The following ELP3 variants were observed in gnomAD, a reference collection of about 807,000 sequenced individuals.
ELP3 encodes elongator acetyltransferase complex subunit 3.
A neutral mutation model predicts 74.9 loss-of-function variants in ELP3; 56 were observed. The ratio of observed to expected loss-of-function variants is 0.75; its 90% CI spans 0.60 to 0.93. The LOEUF (loss-of-function observed/expected upper bound fraction) is 0.93. Among genes scored for constraint, ELP3 ranks in the 40% least tolerant of loss-of-function variants. The pLI, the probability that ELP3 is intolerant of heterozygous loss-of-function variation, is 0.00. For missense variants in ELP3, 573 were observed against 686.5 expected (o/e 0.83, Z 1.85); for synonymous variants, 222 against 239.8 (o/e 0.93, Z 0.68).
intron 14 of ELP3, among the ~76,000 whole-genome samples, chr8:28,174,640 GC>G (rs1814669270): frequency 6.6e-6 from 1 of 151,998 alleles, no homozygotes; most frequent in Non-Finnish European, 1.5e-5. Context: ...TAATGAATTT[GC>G]CTTTTAAATA....
Position 28,132,382 on chromosome 8 carries a change from A to G in ELP3, c.884A>G (p.Glu295Gly). The change falls in exon 9 of 15, where the codon GAA becomes GGA. Residue 295 changes from glutamate (E) to glycine (G), a missense_variant. Transcript: ENST00000256398. Reference sequence around the variant, plus strand: ...CCTGACCTGCCAAACGTGGGACTAGAAAGAGACATTGAACAGTTCACAGTA... The same window carrying G: ...CCTGACCTGCCAAACGTGGGACTAGGAAGAGACATTGAACAGTTCACAGTA... ...MMPDLPNVGL[E>G]RDIEQFTEFF... The G allele has an allele frequency of 6.2e-7, 1 of 1,614,124 alleles. No individual in the cohort carries two copies. Among genetic ancestry groups the G allele is most frequent in the South Asian group, 1.1e-5 (1 of 91,084 alleles).
intron 14 of ELP3, among the ~76,000 whole-genome samples, chr8:28,165,747 T>A (rs566774580): frequency 6.6e-6 from 1 of 152,356 alleles, no homozygotes; most frequent in South Asian, 2.1e-4. Flanking sequence ...CTAGACAATA[T>A]TATGAACTAC....
At chr8:28,097,555 C>G (rs1417664153) in intron 2 of ELP3, among the ~76,000 whole-genome samples, 2 of 151,972 alleles carry the variant, frequency 1.3e-5, no homozygotes, top group African/African-American at 4.8e-5. Flanking sequence ...CGCCACCACG[C>G]CTGGCTAATT....
chr8:28,117,563 A>G (rs527750575), intron 7 of ELP3, among the ~76,000 whole-genome samples: 3 of 152,316 alleles, frequency 2.0e-5, no homozygotes, highest in South Asian at 2.1e-4. Flanking sequence ...AAATTTATAT[A>G]TGATTTGGGT....
At chr8:28,175,810 CTTT>C (rs56901616) in intron 14 of ELP3, among the ~76,000 whole-genome samples, 1 of 78,248 alleles carries the variant, frequency 1.3e-5, no homozygotes, top group East Asian at 3.9e-4. Flanking sequence ...TGTCTAGTGA[CTTT>C]TTTTTTTTTT....
intron 6 of ELP3, among the ~76,000 whole-genome samples, chr8:28,111,071 C>A (rs1354432169): frequency 6.6e-6 from 1 of 152,030 alleles, no homozygotes; most frequent in Non-Finnish European, 1.5e-5. Context: ...ACAGCAAGAA[C>A]CTGTCTCAAA....
chr8:28,152,926 A>G (rs914806725), intron 10 of ELP3, among the ~76,000 whole-genome samples: 1 of 152,218 alleles, frequency 6.6e-6, no homozygotes, highest in African/African-American at 2.4e-5. Context: ...TAAATTTCGT[A>G]TATGGTATGA....
chr8:28,139,838 A>C (rs1442438826), intron 10 of ELP3, among the ~76,000 whole-genome samples: 1 of 152,148 alleles, frequency 6.6e-6, no homozygotes, highest in Non-Finnish European at 1.5e-5. Context: ...CCAGCTACTC[A>C]GGAGGCTGAG....
intron 10 of ELP3, among the ~76,000 whole-genome samples, chr8:28,154,041 C>A (rs1226901946): frequency 6.6e-6 from 1 of 152,174 alleles, no homozygotes; most frequent in Non-Finnish European, 1.5e-5. Flanking sequence ...GATGCTATCT[C>A]ATGTTCCTAA....
intron 14 of ELP3, among the ~76,000 whole-genome samples, chr8:28,169,042 C>G (rs776292396): frequency 1.3e-5 from 2 of 152,112 alleles, no homozygotes; most frequent in Non-Finnish European, 2.9e-5. Flanking sequence ...TGTCTCTGAC[C>G]AACAACTCAC....
At chr8:28,106,671 A>G in intron 3 of ELP3, 42 bp from the exon 4 acceptor site, 1 of 1,554,428 alleles carries the variant, frequency 6.4e-7, no homozygotes, top group Non-Finnish European at 8.9e-7. Flanking sequence ...GTTTTATATT[A>G]ATTATCCTAT....
chr8:28,132,460 A>G, intron 9 of ELP3, 56 bp downstream of exon 9: 1 of 1,609,140 alleles, frequency 6.2e-7, no homozygotes, highest in Non-Finnish European at 8.5e-7. Context: ...TTCTTATCCC[A>G]TCTGGTCTTG....
chr8:28,124,638 A>G (rs1206738634), intron 7 of ELP3, among the ~76,000 whole-genome samples: 1 of 152,172 alleles, frequency 6.6e-6, no homozygotes, highest in Non-Finnish European at 1.5e-5. Context: ...TCTATTAATA[A>G]TGTGTTGCTG....
chr8:28,168,336 G>C (rs1431756414), intron 14 of ELP3, among the ~76,000 whole-genome samples: 1 of 152,174 alleles, frequency 6.6e-6, no homozygotes, highest in Non-Finnish European at 1.5e-5. Context: ...TACAGCATTT[G>C]GCAAATGCTG....
intron 7 of ELP3, among the ~76,000 whole-genome samples, chr8:28,119,399 G>A (rs1812265556): frequency 6.6e-6 from 1 of 151,652 alleles, no homozygotes; most frequent in African/African-American, 2.4e-5. Flanking sequence ...ATTCATCAGT[G>A]TCTCTCGCGT....
intron 14 of ELP3, among the ~76,000 whole-genome samples, chr8:28,173,319 A>C (rs1287434812): frequency 6.6e-6 from 1 of 151,776 alleles, no homozygotes; most frequent in Non-Finnish European, 1.5e-5. Flanking sequence ...ATTTATGTAG[A>C]CTTTGTTTAT....
chr8:28,146,815 A>G (rs1813451740), intron 10 of ELP3, among the ~76,000 whole-genome samples: 1 of 152,228 alleles, frequency 6.6e-6, no homozygotes, highest in African/African-American at 2.4e-5. Context: ...TCCATCTGGT[A>G]TACTCGCAGC....
intron 3 of ELP3, among the ~76,000 whole-genome samples, chr8:28,102,260 A>G (rs1222393602): frequency 6.6e-6 from 1 of 152,202 alleles, no homozygotes; most frequent in Non-Finnish European, 1.5e-5. Flanking sequence ...CCTGAAGTAT[A>G]GCATAACCAA....
chr8:28,093,370 TC>T, intron 1 of ELP3, 137 bp downstream of exon 1: 1 of 1,164,964 alleles, frequency 8.6e-7, no homozygotes, highest in Non-Finnish European at 1.2e-6. Context: ...GGTCAGTGTG[TC>T]CATTCTGGTC....
Sources: gnomAD v4.1 joint callset for allele counts (sites outside exome capture counted in the v4.1 genomes callset) on GRCh38, gnomAD v4.1.1 for gene constraint, MANE v1.5 for transcripts, NCBI Gene and HGNC (gene_info 2026-07-23, HGNC 2026-07-21) for gene names.